MYO5B: variants seen among roughly 807,000 people sequenced by gnomAD.
MYO5B encodes the protein unconventional myosin-Vb.
A neutral mutation model predicts 229.3 loss-of-function variants in MYO5B; 143 were observed. The ratio of observed to expected loss-of-function variants is 0.62; its 90% confidence interval spans 0.54 to 0.72. MYO5B has a LOEUF of 0.72. MYO5B is among the 30% of genes least tolerant of loss of function. The pLI is 0.00. For missense variants in MYO5B, 2,321 were observed against 2,331.0 expected (o/e 1.00, Z 0.09); for synonymous variants, 918 against 885.2 (o/e 1.04, Z -0.66).
intron 4 of MYO5B, among the ~76,000 whole-genome samples, chr18:50,035,454 G>T (rs1407527060): frequency 2.0e-5 from 3 of 152,014 alleles, no homozygotes; most frequent in African/African-American, 7.2e-5. Context: ...AGTGCATGTA[G>T]ACTCAGGTGA....
intron 1 of MYO5B, among the ~76,000 whole-genome samples, chr18:50,069,341 G>A (rs2030897300): frequency 6.6e-6 from 1 of 152,140 alleles, no homozygotes; most frequent in South Asian, 2.1e-4. Context: ...TAAGGATGAA[G>A]AACAGCATCA....
chr18:49,873,728 T>C (rs536022081), intron 26 of MYO5B, among the ~76,000 whole-genome samples: 2 of 152,310 alleles, frequency 1.3e-5, no homozygotes, highest in East Asian at 1.9e-4. Flanking sequence ...TCTATTAAGA[T>C]GGGCTGGCAG....
chr18:50,156,673 A>C (rs983557597), intron 1 of MYO5B, among the ~76,000 whole-genome samples: 3 of 152,254 alleles, frequency 2.0e-5, no homozygotes, highest in Non-Finnish European at 2.9e-5. Context: ...ATCCAAAGGA[A>C]GCTATTTTCT....
At chr18:49,912,023 C>A in intron 18 of MYO5B, 39 bp downstream of exon 18, 2 of 1,523,136 alleles carry the variant, frequency 1.3e-6, no homozygotes. Flanking sequence ...TTTAGGGGAC[C>A]TGGTCAGGCC....
In MYO5B at chr18:49,963,036, G is replaced by A; in HGVS notation, c.1323-6C>T. On this transcript the variant is annotated splice_polypyrimidine_tract_variant and splice_region_variant and intron_variant, in intron 10 of 39. Transcript: ENST00000285039. ...TTACCTCAAATGTCTCAAACCTACA[G>A]AATGGAAAGAGAAGATAAGAGACGT... The A allele has an allele frequency of 6.2e-7, 1 of 1,611,668 alleles. No homozygotes were observed. The highest frequency in any genetic ancestry group is 8.5e-7 in the Non-Finnish European group (1 of 1,177,830).
At chr18:50,009,617 T>C (rs1020712071) in intron 4 of MYO5B, among the ~76,000 whole-genome samples, 6 of 152,308 alleles carry the variant, frequency 3.9e-5, no homozygotes, top group South Asian at 4.1e-4. Context: ...TAGGTTAAGA[T>C]AGCAGTCAAG....
rs1319750110 is a variant in MYO5B at position 49,939,178 on chromosome 18, G to A, written c.1753-1781C>T. Among the ~76,000 whole-genome samples, 13 of 120,014 alleles carry A rather than the reference G, an allele frequency of 1.1e-4. No individual in the cohort carries two copies. The South Asian group carries it at 1.8e-3, about 16-fold the overall frequency. 78.7% of individuals were successfully genotyped at this position (120,014 alleles called of 152,430 possible). A position where few individuals can be genotyped will look rare whatever the true frequency, so the allele number is the denominator to read the frequency against. On this transcript the variant is annotated intron_variant, in intron 14 of 39. Transcript: ENST00000285039. ...TTTTTTTTTTTTTTGAAACAGTCTC[G>A]CTCTGTTACCAGGCTGGAGTGCAGT...
At chr18:50,182,182 T>G (rs1247822541) in intron 1 of MYO5B, among the ~76,000 whole-genome samples, 1 of 152,208 alleles carries the variant, frequency 6.6e-6, no homozygotes, top group Non-Finnish European at 1.5e-5. Flanking sequence ...GCAAAAACTA[T>G]GAGTACTGTT....
chr18:49,899,841 C>G (rs565959502), intron 21 of MYO5B, among the ~76,000 whole-genome samples: 109 of 152,362 alleles, frequency 7.2e-4, no homozygotes, highest in African/African-American at 2.3e-3. Flanking sequence ...CCTCTACACA[C>G]AGGGCATCCT....
chr18:49,980,405 T>C, intron 9 of MYO5B, 39 bp downstream of exon 9: 3 of 1,376,966 alleles, frequency 2.2e-6, no homozygotes, highest in Non-Finnish European at 1.0e-6. Flanking sequence ...ACAGGGTAAA[T>C]TGTGTTCATT....
chr18:49,831,710 A>G lies in MYO5B; in HGVS notation c.5394+3634T>C, dbSNP rs2144022285. On this transcript the variant is annotated intron_variant, in intron 39 of 39. Transcript: ENST00000285039. ...TGGAAAAGTTTCAGATTCCTCAAAA[A>G]GTTAAATATAGAGTTACCATATGAC... 1.3e-5 allele frequency among the ~76,000 whole-genome samples: 2 copies of G among 152,322 alleles called. 1 individual carries two copies. Among genetic ancestry groups the G allele is most frequent in the South Asian group, 4.1e-4 (2 of 4,824 alleles).
At chr18:49,838,860 T>C (rs546838854) in intron 36 of MYO5B, among the ~76,000 whole-genome samples, 1 of 152,238 alleles carries the variant, frequency 6.6e-6, no homozygotes, top group Non-Finnish European at 1.5e-5. Context: ...TTTGTACCTT[T>C]TGAGTTTACA....
At chr18:49,851,539 A>G (rs1312323302) in intron 31 of MYO5B, among the ~76,000 whole-genome samples, 2 of 152,260 alleles carry the variant, frequency 1.3e-5, no homozygotes, top group East Asian at 3.8e-4. Flanking sequence ...CCAAAGTCCT[A>G]AAGCCTAAAA....
intron 1 of MYO5B, among the ~76,000 whole-genome samples, chr18:50,151,784 A>C (rs1314745953): frequency 6.6e-6 from 1 of 152,096 alleles, no homozygotes; most frequent in Non-Finnish European, 1.5e-5. Flanking sequence ...CGGATGTTCA[A>C]AGGATGTGAG....
intron 2 of MYO5B, among the ~76,000 whole-genome samples, chr18:50,048,693 T>TC (rs1325843837): frequency 2.6e-5 from 4 of 152,058 alleles, no homozygotes; most frequent in Admixed American, 2.6e-4. Flanking sequence ...CTCTGAGAAG[T>TC]CAGCAGGAAA....
intron 1 of MYO5B, chr18:50,098,914 C>G (rs2031604412): frequency 6.5e-6 from 1 of 153,294 alleles, no homozygotes; most frequent in Non-Finnish European, 1.5e-5. Context: ...GCTTCCTAGT[C>G]ACCTCTGTCA....
chr18:49,827,193 T>C (rs1248071013), intron 39 of MYO5B, among the ~76,000 whole-genome samples: 1 of 152,236 alleles, frequency 6.6e-6, no homozygotes, highest in African/African-American at 2.4e-5. Context: ...ATCGGGAGAC[T>C]GATTGGTAAA....
intron 1 of MYO5B, among the ~76,000 whole-genome samples, chr18:50,062,136 T>A (rs1598990869): frequency 1.3e-5 from 2 of 151,926 alleles, no homozygotes; most frequent in African/African-American, 4.8e-5. Context: ...ATGTATTTTA[T>A]ACAGGTAAAG....
intron 39 of MYO5B, among the ~76,000 whole-genome samples, chr18:49,826,831 G>A (rs1465419512): frequency 1.3e-5 from 2 of 152,170 alleles, no homozygotes; most frequent in Non-Finnish European, 2.9e-5. Context: ...GAGATCAGAG[G>A]GCTGTAAGCA....
Sources: gnomAD v4.1 joint callset for allele counts (sites outside exome capture counted in the v4.1 genomes callset) on GRCh38, gnomAD v4.1.1 for gene constraint, MANE v1.5 for transcripts, NCBI Gene and HGNC (gene_info 2026-07-23, HGNC 2026-07-21) for gene names.